GUCY1A1: variants seen among roughly 807,000 people sequenced by gnomAD.
The protein encoded by GUCY1A1 is guanylate cyclase soluble subunit alpha-1.
Under a neutral mutation model 64.5 loss-of-function variants are expected in GUCY1A1, and 48 were observed. The ratio of observed to expected loss-of-function variants is 0.74; its 90% confidence interval spans 0.59 to 0.95. The LOEUF (loss-of-function observed/expected upper bound fraction) is 0.95, where lower values mean the gene tolerates loss of function less well. Among genes scored for constraint, GUCY1A1 ranks in the 40% least tolerant of loss-of-function variants. The pLI is 0.00. For synonymous variants in GUCY1A1, 308 were observed against 303.4 expected, an observed-to-expected ratio of 1.02 and a Z score of -0.16; for missense variants, 804 against 825.3, an observed-to-expected ratio of 0.97 and a Z score of 0.32.
intron 6 of GUCY1A1, 117 bp from the exon 7 acceptor site, chr4:155,712,981 C>T: frequency 2.5e-6 from 2 of 816,188 alleles, no homozygotes; most frequent in East Asian, 5.0e-5. Flanking sequence ...GCAAATTGTT[C>T]CTTTTCAGCA....
chr4:155,710,851 C>CGGAAGT lies in GUCY1A1; in HGVS notation c.694_699dup (p.Glu232_Val233dup), dbSNP rs1406233213. 1 of 1,613,916 alleles carries CGGAAGT rather than the reference C, an allele frequency of 6.2e-7. No homozygotes were observed. Among genetic ancestry groups the CGGAAGT allele is most frequent in the Non-Finnish European group, 8.5e-7 (1 of 1,179,942 alleles). The stretch of plus-strand genomic sequence containing the variant: ...GCAGCTGCTCACGTATTATATGAAA[C>CGGAAGT]GGAAGTGGAAGTGTCGTTAATGCCT... On this transcript the variant is annotated inframe_insertion, in exon 6 of 10. Coordinates refer to ENST00000506455, the MANE Select transcript of GUCY1A1 (RefSeq NM_001130682.3).
intron 8 of GUCY1A1, among the ~76,000 whole-genome samples, chr4:155,720,860 A>G (rs6812618): frequency 0.4 from 60,324 of 152,056 alleles, 12,199 homozygotes; most frequent in African/African-American, 0.47. Context: ...TGGTATCATC[A>G]TCATTTAAAA....
chr4:155,725,157 G>A (rs1360067384), intron 9 of GUCY1A1, among the ~76,000 whole-genome samples: 1 of 152,002 alleles, frequency 6.6e-6, no homozygotes, highest in Non-Finnish European at 1.5e-5. Flanking sequence ...TGTGTTGATT[G>A]CCTGCCTCCC....
At chr4:155,719,435 T>A (rs997086539) in intron 8 of GUCY1A1, among the ~76,000 whole-genome samples, 2 of 152,128 alleles carry the variant, frequency 1.3e-5, no homozygotes, top group South Asian at 2.1e-4. Context: ...TAAAGAGGCA[T>A]CTACACTGGC....
rs2110838595 is a variant in GUCY1A1, at chr4:155,733,682, A to G, written c.*3451A>G. On this transcript the variant is annotated 3_prime_UTR_variant, in exon 10 of 10. Coordinates refer to ENST00000506455, the MANE Select transcript of GUCY1A1 (RefSeq NM_001130682.3). The stretch of plus-strand genomic sequence containing the variant: ...TTTTACAAAAGAAAAAAAAAAAAGA[A>G]GCAACATGAGTAAAATTAGATCCAT... Among the ~76,000 whole-genome samples, 1 of 151,564 alleles carries G rather than the reference A, an allele frequency of 6.6e-6. No individual in the cohort carries two copies. The highest frequency in any genetic ancestry group is 6.6e-5 in the Admixed American group (1 of 15,156).
chr4:155,669,025 C>T (rs1170824548), intron 2 of GUCY1A1, among the ~76,000 whole-genome samples: 1 of 152,122 alleles, frequency 6.6e-6, no homozygotes, highest in Non-Finnish European at 1.5e-5. Flanking sequence ...GGTAAAAACA[C>T]GTAAGCCATA....
In GUCY1A1 at chr4:155,703,983, A is replaced by C. The variant is rs926292195; in HGVS notation, c.307A>C (p.Lys103Gln). 6.2e-7 allele frequency: 1 copy of C among 1,604,438 alleles called. No homozygotes were observed. The highest frequency in any genetic ancestry group is 8.5e-7 in the Non-Finnish European group (1 of 1,173,928). Residue 103 changes from lysine (K) to glutamine (Q), a missense_variant, in exon 4 of 10, where the codon AAA (lysine) becomes CAA (glutamine). Transcript: ENST00000506455. ...GAGAACATTGGCAAAGCACAAAATA[A>C]AAGAAAGCAGGTAAGTCAAACCACT... Reference protein sequence around the residue: ...LQRTLAKHKIKESRKSLERED... With the variant: ...LQRTLAKHKIQESRKSLERED...
At chr4:155,708,929 A>C (rs1184783049) in intron 5 of GUCY1A1, among the ~76,000 whole-genome samples, 2 of 152,100 alleles carry the variant, frequency 1.3e-5, no homozygotes, top group Admixed American at 1.3e-4. Context: ...TGGTACTCAG[A>C]GTGTAAAGAT....
intron 4 of GUCY1A1, among the ~76,000 whole-genome samples, chr4:155,706,997 A>T (rs747693548): frequency 6.6e-6 from 1 of 152,246 alleles, no homozygotes; most frequent in African/African-American, 2.4e-5. Context: ...GGTTTCTTTC[A>T]TTACTAATTT....
chr4:155,708,729 T>C (rs1248819913), intron 5 of GUCY1A1, among the ~76,000 whole-genome samples: 1 of 152,214 alleles, frequency 6.6e-6, no homozygotes, highest in East Asian at 1.9e-4. Context: ...CTTGCTGTCC[T>C]TTCCAAAGTT....
In GUCY1A1 at chr4:155,689,553, T is replaced by G. The variant is rs531420644; in HGVS notation, c.-112-7203T>G. ...AGTTATAAAACATTCTGTAAATACT[T>G]TGATAAAAACTGAGAAACAAAATGT... On this transcript the variant is annotated intron_variant, in intron 2 of 9. Coordinates refer to ENST00000506455, the MANE Select transcript of GUCY1A1 (RefSeq NM_001130682.3). Among the ~76,000 whole-genome samples the G allele has an allele frequency of 1.4e-4, 22 of 152,302 alleles. No homozygotes were observed. In the East Asian group the frequency reaches 4.3e-3, roughly 29 times the overall value.
At chr4:155,701,047 G>A (rs748417746) in intron 3 of GUCY1A1, among the ~76,000 whole-genome samples, 3 of 152,056 alleles carry the variant, frequency 2.0e-5, no homozygotes, top group Non-Finnish European at 4.4e-5. Context: ...TTTTATTGTG[G>A]ACTCATATTA....
At chr4:155,674,404 C>T (rs1734604584) in intron 2 of GUCY1A1, among the ~76,000 whole-genome samples, 1 of 150,562 alleles carries the variant, frequency 6.6e-6, no homozygotes, top group Non-Finnish European at 1.5e-5. Context: ...AAAACATGTG[C>T]TATCATGAGC....
intron 2 of GUCY1A1, among the ~76,000 whole-genome samples, chr4:155,694,423 A>C (rs1730162582): frequency 6.6e-6 from 1 of 152,142 alleles, no homozygotes; most frequent in African/African-American, 2.4e-5. Flanking sequence ...AACCCCAACC[A>C]AAACTGGACC....
rs745313862 is a variant in GUCY1A1 at position 155,735,980 on chromosome 4, T to C, written c.*5749T>C. On this transcript the variant is annotated 3_prime_UTR_variant, in exon 10 of 10. Coordinates refer to ENST00000506455, the MANE Select transcript of GUCY1A1 (RefSeq NM_001130682.3). ...CCTGAATAAGTTGTATCTTATAACATTGAAGTGAATGAAAATGTATTAGTA... is the reference window on the plus strand; with the variant it reads ...CCTGAATAAGTTGTATCTTATAACACTGAAGTGAATGAAAATGTATTAGTA... 6.6e-6 allele frequency: 1 copy of C among 151,966 alleles called. No individual in the cohort carries two copies. The highest frequency in any genetic ancestry group is 2.1e-4 in the South Asian group (1 of 4,836). 9.4% of individuals were successfully genotyped at this position (151,966 alleles called of 1,614,324 possible).
intron 5 of GUCY1A1, among the ~76,000 whole-genome samples, chr4:155,709,712 T>C (rs1373689161): frequency 6.6e-6 from 1 of 151,984 alleles, no homozygotes; most frequent in East Asian, 1.9e-4. Context: ...TGTGCACCTG[T>C]AGTCCCAGCT....
At chr4:155,680,781 G>A (rs926688368) in intron 2 of GUCY1A1, among the ~76,000 whole-genome samples, 10 of 152,012 alleles carry the variant, frequency 6.6e-5, no homozygotes, top group African/African-American at 1.4e-4. Context: ...CTTCACCCTC[G>A]TTGTCTTCAT....
intron 7 of GUCY1A1, among the ~76,000 whole-genome samples, chr4:155,716,248 T>TAC (rs1733218596): frequency 6.6e-6 from 1 of 152,200 alleles, no homozygotes; most frequent in Admixed American, 6.5e-5. Context: ...GAGGGGAATT[T>TAC]CTGAAGATTT....
intron 2 of GUCY1A1, among the ~76,000 whole-genome samples, chr4:155,691,027 A>T (rs772546396): frequency 6.6e-6 from 1 of 152,244 alleles, no homozygotes; most frequent in Non-Finnish European, 1.5e-5. Context: ...GAAAATGCAG[A>T]TGAATGGAGA....
Sources: gnomAD v4.1 joint callset for allele counts (sites outside exome capture counted in the v4.1 genomes callset) on GRCh38, gnomAD v4.1.1 for gene constraint, MANE v1.5 for transcripts, NCBI Gene and HGNC (gene_info 2026-07-23, HGNC 2026-07-21) for gene names.